The following ANKRD11 variants were observed in gnomAD, a reference collection of about 807,000 sequenced individuals.
ANKRD11 encodes the protein ankyrin repeat domain-containing protein 11.
In ANKRD11, 17 loss-of-function variants were observed where a neutral mutation model predicts 195.7. That is an observed-to-expected ratio of 0.09 (90% CI 0.06 to 0.13). ANKRD11 has a LOEUF of 0.13. Among genes scored for constraint, ANKRD11 ranks in the 10% least tolerant of loss-of-function variants. The probability of loss-of-function intolerance (pLI) is 1.00; values close to 1 mark genes in which losing one functional copy is unlikely to be tolerated. For synonymous variants in ANKRD11, 1,953 were observed against 1,528.1 expected (o/e 1.28, Z -6.49); for missense variants, 3,735 against 3,566.1 (o/e 1.05, Z -1.21).
chr16:89,275,334 GAC>G, intron 9 of ANKRD11, 143 bp from the exon 10 acceptor site: 1 of 670,560 alleles, frequency 1.5e-6, no homozygotes, highest in East Asian at 2.7e-5. Flanking sequence ...CCCAGCAACA[GAC>G]ACACCAGGAA....
chr16:89,335,341 G>C (rs1227387791), intron 2 of ANKRD11, among the ~76,000 whole-genome samples: 1 of 152,210 alleles, frequency 6.6e-6, no homozygotes, highest in African/African-American at 2.4e-5. Context: ...TCCAGCACAG[G>C]AACAAATCCA....
chr16:89,388,523 C>T (rs2911249), intron 2 of ANKRD11, among the ~76,000 whole-genome samples: 5,091 of 151,986 alleles, frequency 0.033, 191 homozygotes, highest in East Asian at 0.13. Context: ...AACGCACACA[C>T]GTCACAAAAA....
At chr16:89,461,362 C>G (rs192428128) in intron 1 of ANKRD11, among the ~76,000 whole-genome samples, 2 of 151,968 alleles carry the variant, frequency 1.3e-5, no homozygotes, top group Admixed American at 6.6e-5. Flanking sequence ...GTGGTGATGG[C>G]TTTGCACCGT....
chr16:89,485,668 G>A (rs943582287), intron 1 of ANKRD11, among the ~76,000 whole-genome samples: 5 of 152,056 alleles, frequency 3.3e-5, no homozygotes, highest in Admixed American at 6.6e-5. Context: ...GCAAACTTTT[G>A]CCAATTACAT....
intron 3 of ANKRD11, among the ~76,000 whole-genome samples, chr16:89,315,473 A>G (rs1279830596): frequency 1.3e-5 from 2 of 152,040 alleles, no homozygotes; most frequent in Non-Finnish European, 2.9e-5. Flanking sequence ...CCTCCTCAGG[A>G]GCTCAGCAGG....
chr16:89,365,195 C>T (rs3096309), intron 2 of ANKRD11, among the ~76,000 whole-genome samples: 134,759 of 152,254 alleles, frequency 0.89, 59,849 homozygotes, highest in African/African-American at 0.97. Context: ...TGATGACTAT[C>T]TTGTTGGCTG....
At chr16:89,316,816 A>T in intron 3 of ANKRD11, 117 bp downstream of exon 3, 1 of 1,241,308 alleles carries the variant, frequency 8.1e-7, no homozygotes, top group Non-Finnish European at 1.2e-6. Flanking sequence ...CTGCAGACAG[A>T]GGCACGAGGA....
In ANKRD11 at chr16:89,469,969, G is replaced by T. The variant is rs555865143; in HGVS notation, c.-145+20276C>A. ...CGCTCAGGCTGGAGCGCAGTGGTGC[G>T]ATCTCGGCTCATTGCAACCTCCACT... is the stretch of plus-strand genomic sequence containing the variant. On this transcript the variant is annotated intron_variant, in intron 1 of 12. Transcript: ENST00000301030. Among the ~76,000 whole-genome samples, 102 of 150,352 alleles carry T rather than the reference G, an allele frequency of 6.8e-4. 1 individual carries two copies. The highest frequency in any genetic ancestry group is 2.4e-3 in the African/African-American group (99 of 40,928).
intron 1 of ANKRD11, among the ~76,000 whole-genome samples, chr16:89,462,330 C>T (rs892119767): frequency 7.9e-5 from 12 of 152,194 alleles, no homozygotes; most frequent in African/African-American, 2.9e-4. Context: ...CTCGGCCTCC[C>T]GAGGTGCCGG....
At chr16:89,299,505 T>C (rs1456903354) in intron 4 of ANKRD11, 3 of 195,962 alleles carry the variant, frequency 1.5e-5, no homozygotes, top group African/African-American at 8.2e-5. Flanking sequence ...CTGTGTGGGG[T>C]GCGTGGGGTC....
chr16:89,310,932 G>T (rs886697226), intron 3 of ANKRD11, among the ~76,000 whole-genome samples: 19 of 152,150 alleles, frequency 1.2e-4, no homozygotes, highest in African/African-American at 4.1e-4. Context: ...GGACGATGCT[G>T]ACTGCAGTGG....
chr16:89,281,418 C>G lies in ANKRD11; in HGVS notation c.5124G>C (p.Ser1708=), dbSNP rs746723349. 4.3e-6 allele frequency: 7 copies of G among 1,610,890 alleles called. No homozygotes were observed. Among genetic ancestry groups the G allele is most frequent in the African/African-American group, 4.0e-5 (3 of 74,722 alleles). Residue 1708 remains serine (S), a synonymous_variant, in exon 9 of 13, where the codon TCG becomes TCC. Transcript: ENST00000301030. This position sits in a 1 kb window ranked among gnomAD's most constrained non-coding sequence, Gnocchi z 5.5. ...CCTCGTAGCTGGGGCAGGATAGCAC[C>G]GACGTAGGGGTGGGCACGCCAGTGG... The part of the protein sequence containing the change: ...SRPTGVPTPT[S]VLSCPSYEEV...
At chr16:89,297,675 C>G (rs1405157117) in intron 4 of ANKRD11, 1 of 152,254 alleles carries the variant, frequency 6.6e-6, no homozygotes, top group Non-Finnish European at 1.5e-5. Context: ...GGCAGCAAGA[C>G]AAGCTCCGAA....
At chr16:89,325,783 C>T (rs984651393) in intron 2 of ANKRD11, among the ~76,000 whole-genome samples, 2 of 152,178 alleles carry the variant, frequency 1.3e-5, no homozygotes, top group African/African-American at 4.8e-5. Flanking sequence ...CACACTATGT[C>T]CTTGCAAGGC....
chr16:89,350,937 G>C (rs1363317005), intron 2 of ANKRD11, among the ~76,000 whole-genome samples: 2 of 152,296 alleles, frequency 1.3e-5, no homozygotes, highest in East Asian at 1.9e-4. Flanking sequence ...CTCAGCAACA[G>C]GCTCTACCAT....
chr16:89,315,899 T>TGCAGCACA lies in ANKRD11; in HGVS notation c.87+1026_87+1033dup, dbSNP rs529497964. ...AAACCCACAACATGAGCAGAGAGGC[T>TGCAGCACA]GCAGCACAGCAGCACAGGAAGCAGC... On this transcript the variant is annotated intron_variant, in intron 3 of 12. Coordinates refer to ENST00000301030, the MANE Select transcript of ANKRD11 (RefSeq NM_013275.6). Among the ~76,000 whole-genome samples the TGCAGCACA allele has an allele frequency of 3.8e-3, 579 of 152,238 alleles. 3 individuals are homozygous for TGCAGCACA. Among genetic ancestry groups the TGCAGCACA allele is most frequent in the African/African-American group, 0.013 (553 of 41,508 alleles).
At chr16:89,295,798 C>A (rs1457921211) in intron 4 of ANKRD11, among the ~76,000 whole-genome samples, 1 of 135,082 alleles carries the variant, frequency 7.4e-6, no homozygotes, top group Non-Finnish European at 1.6e-5. Flanking sequence ...CTGTGACCTT[C>A]CCGAGGGGTG....
chr16:89,393,308 A>AT (rs150301440), intron 2 of ANKRD11, among the ~76,000 whole-genome samples: 46 of 145,240 alleles, frequency 3.2e-4, no homozygotes, highest in African/African-American at 1.2e-3. Flanking sequence ...TACTTTTTTT[A>AT]TTTTTATTTT....
intron 2 of ANKRD11, among the ~76,000 whole-genome samples, chr16:89,337,732 G>A (rs2038447702): frequency 6.6e-6 from 1 of 152,128 alleles, no homozygotes; most frequent in Non-Finnish European, 1.5e-5. Flanking sequence ...AAGCCACTGT[G>A]CCCGGCCTGG....
Sources: gnomAD v4.1 joint callset for allele counts (sites outside exome capture counted in the v4.1 genomes callset) on GRCh38, gnomAD v4.1.1 for gene constraint, Gnocchi (gnomAD v3.1) non-coding constraint, MANE v1.5 for transcripts, NCBI Gene and HGNC (gene_info 2026-07-23, HGNC 2026-07-21) for gene names.